The following PCDH15 variants were observed in gnomAD, a reference collection of about 807,000 sequenced individuals.
The protein encoded by PCDH15 is protocadherin-15.
A neutral mutation model predicts 178.5 loss-of-function variants in PCDH15; 129 were observed. The observed-to-expected ratio is 0.72, with a 90% confidence interval of 0.63 to 0.84. The LOEUF is 0.84. Ranked by LOEUF, PCDH15 falls within the 40% of genes least tolerant of loss-of-function variation. PCDH15 has a pLI of 0.00. For synonymous variants in PCDH15, 800 were observed against 732.0 expected, an observed-to-expected ratio of 1.09 and a Z score of -1.50; for missense variants, 2,230 against 2,099.9, an observed-to-expected ratio of 1.06 and a Z score of -1.21.
chr10:54,549,066 ATTAT>A lies in PCDH15; in HGVS notation c.92-21193_92-21190del, dbSNP rs537610917. Among the ~76,000 whole-genome samples, 7 of 151,872 alleles carry A rather than the reference ATTAT, an allele frequency of 4.6e-5. No individual in the cohort carries two copies. The South Asian group carries it at 1.5e-3, about 32-fold the overall frequency. ...TAATTTCGGCAATACCAGTTTTAATATTATTTATTTGGCTTCTTTCTTTAATTTC... is the reference window on the plus strand; with the variant it reads ...TAATTTCGGCAATACCAGTTTTAATATTATTTGGCTTCTTTCTTTAATTTC... On this transcript the variant is annotated intron_variant, in intron 2 of 37. Coordinates refer to ENST00000644397, the MANE Select transcript of PCDH15 (RefSeq NM_001384140.1).
intron 23 of PCDH15, among the ~76,000 whole-genome samples, chr10:53,957,505 T>TTTTTG (rs1485302916): frequency 6.9e-6 from 1 of 145,552 alleles, no homozygotes; most frequent in East Asian, 2.0e-4. Context: ...TTTACTATGT[T>TTTTTG]TTTTTTTTTT....
At chr10:54,054,943 T>G (rs1017648723) in intron 18 of PCDH15, among the ~76,000 whole-genome samples, 1 of 152,148 alleles carries the variant, frequency 6.6e-6, no homozygotes, top group Non-Finnish European at 1.5e-5. Context: ...TAGGCACTGT[T>G]GAGTGTCATA....
At chr10:55,179,552 C>A (rs555943477) in intron 1 of PCDH15, among the ~76,000 whole-genome samples, 7 of 114,452 alleles carry the variant, frequency 6.1e-5, no homozygotes, top group Non-Finnish European at 1.2e-4. Flanking sequence ...CACACTCCCC[C>A]CCATTCTAAG....
At chr10:54,628,807 A>G (rs2134634199) in intron 2 of PCDH15, among the ~76,000 whole-genome samples, 1 of 152,230 alleles carries the variant, frequency 6.6e-6, no homozygotes, top group Non-Finnish European at 1.5e-5. Context: ...AGTGGATTTG[A>G]TAAATACAAT....
intron 25 of PCDH15, among the ~76,000 whole-genome samples, chr10:53,925,219 G>T (rs186702921): frequency 6.6e-6 from 1 of 152,068 alleles, no homozygotes; most frequent in Non-Finnish European, 1.5e-5. Context: ...CACTCACCGC[G>T]AAGGTCTGCA....
Position 55,040,474 on chromosome 10 carries a change from CA to C in PCDH15, c.-80+126101del, listed in dbSNP as rs897840990. Among the ~76,000 whole-genome samples, 33 of 143,450 alleles carry C rather than the reference CA, an allele frequency of 2.3e-4. No individual in the cohort carries two copies. In the East Asian group the frequency reaches 4.2e-3, roughly 18 times the overall value. The allele number at this position is 143,450 out of a possible 152,430, so 94.1% of individuals were successfully genotyped here. On this transcript the variant is annotated intron_variant, in intron 2 of 5. Coordinates refer to the PCDH15 transcript ENST00000458638. ...TGAGAGGCAGCTAGATAACATGAATCAAAAAAAAACCAAAACAACTACAACA... is the reference window on the plus strand; with the variant it reads ...TGAGAGGCAGCTAGATAACATGAATCAAAAAAAACCAAAACAACTACAACA...
At chr10:54,635,519 A>C (rs2093827748) in intron 2 of PCDH15, among the ~76,000 whole-genome samples, 1 of 151,984 alleles carries the variant, frequency 6.6e-6, no homozygotes, top group African/African-American at 2.4e-5. Flanking sequence ...GTTCACAGTA[A>C]TATAACTACT....
chr10:54,797,553 A>G (rs1380003451), intron 1 of PCDH15, among the ~76,000 whole-genome samples: 1 of 136,816 alleles, frequency 7.3e-6, no homozygotes, highest in African/African-American at 2.7e-5. Flanking sequence ...CACACACACG[A>G]TCATCTTAGG....
intron 3 of PCDH15, among the ~76,000 whole-genome samples, chr10:54,889,517 A>ATATATATATATATATT (rs1954423880): frequency 6.7e-6 from 1 of 148,778 alleles, no homozygotes; most frequent in Non-Finnish European, 1.5e-5. Flanking sequence ...ATATATATAT[A>ATATATATATATATATT]TGATCTATAT....
intron 15 of PCDH15, among the ~76,000 whole-genome samples, chr10:54,118,773 T>G (rs1250013163): frequency 2.5e-5 from 3 of 118,116 alleles, no homozygotes; most frequent in Non-Finnish European, 5.0e-5. Context: ...GAAAGTTTTA[T>G]TTTTATTTTT....
At chr10:54,766,134 C>A (rs1948486111) in intron 1 of PCDH15, among the ~76,000 whole-genome samples, 1 of 151,840 alleles carries the variant, frequency 6.6e-6, no homozygotes, top group African/African-American at 2.4e-5. Flanking sequence ...AATACAGCAA[C>A]AATAAAAATA....
At chr10:55,274,845 A>C (rs1423784978) in intron 1 of PCDH15, among the ~76,000 whole-genome samples, 1 of 152,022 alleles carries the variant, frequency 6.6e-6, no homozygotes, top group African/African-American at 2.4e-5. Context: ...TTGCATGTGC[A>C]GTTCAAAATA....
intron 2 of PCDH15, among the ~76,000 whole-genome samples, chr10:55,044,998 T>A (rs1840961430): frequency 6.6e-6 from 1 of 152,100 alleles, no homozygotes; most frequent in Non-Finnish European, 1.5e-5. Flanking sequence ...CTGACCCGTA[T>A]CTAAGCCTGC....
chr10:53,995,491 GTACCTGTGGATGAAATAA>G (rs2091786873), intron 21 of PCDH15, 140 bp downstream of exon 21: 13 of 1,337,286 alleles, frequency 9.7e-6, no homozygotes, highest in Non-Finnish European at 1.3e-5. Flanking sequence ...AATATGCTCT[GTACCTGTGGATGAAATAA>G]GTAAAAGAAC....
chr10:54,195,740 G>C lies in PCDH15; in HGVS notation c.1248C>G (p.Asp416Glu). The C allele has an allele frequency of 6.2e-7, 1 of 1,614,070 alleles. No individual in the cohort carries two copies. The change falls in exon 11 of 38, where the codon GAC becomes GAG. Residue 416 changes from aspartate (D) to glutamate (E), a missense_variant. Asp to Glu is a conservative substitution (Grantham distance 45). Coordinates refer to ENST00000644397, the MANE Select transcript of PCDH15 (RefSeq NM_001384140.1). The part of the protein sequence containing the change: ...ESAPVGATIS[D>E]SLNLTSPLRI... Reference sequence around the variant, plus strand: ...TTAAAGGTGAAGTCAAATTGAGACTGTCCGAAATGGTTGCTCCCACTGGGG... The same window carrying C: ...TTAAAGGTGAAGTCAAATTGAGACTCTCCGAAATGGTTGCTCCCACTGGGG...
At chr10:54,680,621 A>G (rs534879755) in intron 1 of PCDH15, among the ~76,000 whole-genome samples, 64 of 152,250 alleles carry the variant, frequency 4.2e-4, no homozygotes, top group South Asian at 6.2e-4. Context: ...CCAGGTGAAG[A>G]TAATTGAATC....
At chr10:54,565,264 T>C (rs2088856270) in intron 2 of PCDH15, among the ~76,000 whole-genome samples, 1 of 152,330 alleles carries the variant, frequency 6.6e-6, no homozygotes, top group East Asian at 1.9e-4. Context: ...TGTTGTCACA[T>C]AGTTGTCTTG....
intron 2 of PCDH15, among the ~76,000 whole-genome samples, chr10:54,607,713 T>C (rs886942913): frequency 6.6e-6 from 1 of 151,698 alleles, no homozygotes; most frequent in Non-Finnish European, 1.5e-5. Flanking sequence ...ATTATCTTAA[T>C]ATATTTATTA....
At chr10:55,175,728 C>T (rs1209997957) in intron 1 of PCDH15, among the ~76,000 whole-genome samples, 1 of 148,142 alleles carries the variant, frequency 6.8e-6, no homozygotes, top group East Asian at 2.0e-4. Context: ...GAAAAGAAAA[C>T]CTCCTGAAAA....
Sources: allele counts gnomAD v4.1 joint callset (sites outside exome capture counted in the v4.1 genomes callset), GRCh38; gene constraint gnomAD v4.1.1; transcripts MANE v1.5; gene names NCBI Gene and HGNC (gene_info 2026-07-23, HGNC 2026-07-21).